LINC00305: variants seen among roughly 807,000 people sequenced by gnomAD.
The protein encoded by LINC00305 is long intergenic non-protein coding RNA 305.
chr18:64,139,364 G>A (rs1215724009), intron 1 of LINC00305: 1 of 152,192 alleles, frequency 6.6e-6, no homozygotes, highest in Non-Finnish European at 1.5e-5. Flanking sequence ...TGTAGGAAAC[G>A]GGTACTAGGT....
chr18:64,100,430 C>T (rs17785335), intron 1 of LINC00305, among the ~76,000 whole-genome samples: 36,903 of 151,984 alleles, frequency 0.24, 4,741 homozygotes, highest in Admixed American at 0.28. Context: ...GGTGCTGGGC[C>T]TTTCTTTTCC....
At chr18:64,086,707 C>T (rs1001671322) in intron 3 of LINC00305, among the ~76,000 whole-genome samples, 1 of 152,204 alleles carries the variant, frequency 6.6e-6, no homozygotes, top group Non-Finnish European at 1.5e-5. Flanking sequence ...GGAAGAGTCT[C>T]ATTCCAAACT....
intron 3 of LINC00305, among the ~76,000 whole-genome samples, chr18:64,096,032 TA>T (rs144843900): frequency 0.011 from 1,681 of 151,218 alleles, 30 homozygotes; most frequent in African/African-American, 0.038. Context: ...ATGGTCCTGA[TA>T]AAAAAAAATA....
chr18:64,089,963 C>A (rs2144894707), intron 3 of LINC00305, among the ~76,000 whole-genome samples: 1 of 152,258 alleles, frequency 6.6e-6, no homozygotes, highest in South Asian at 2.1e-4. Context: ...TGGGTGGGGA[C>A]ACAGCCAAAC....
chr18:64,131,776 C>G (rs1253226223), intron 1 of LINC00305, among the ~76,000 whole-genome samples: 1 of 152,126 alleles, frequency 6.6e-6, no homozygotes, highest in East Asian at 1.9e-4. Flanking sequence ...AGCAGGCAAA[C>G]CCGAGAACAA....
chr18:64,145,047 T>C (rs2051490520), intron 1 of LINC00305, among the ~76,000 whole-genome samples: 1 of 152,174 alleles, frequency 6.6e-6, no homozygotes, highest in Non-Finnish European at 1.5e-5. Context: ...GCATACTCCC[T>C]TCTGAGAATT....
intron 1 of LINC00305, among the ~76,000 whole-genome samples, chr18:64,113,798 G>A (rs74444681): frequency 0.064 from 9,730 of 152,224 alleles, 1,032 homozygotes; most frequent in African/African-American, 0.22. Context: ...ACCCAGTCAT[G>A]GATACGGAGA....
At chr18:64,147,528 C>T (rs1599236495) in intron 1 of LINC00305, among the ~76,000 whole-genome samples, 1 of 152,084 alleles carries the variant, frequency 6.6e-6, no homozygotes, top group East Asian at 1.9e-4. Flanking sequence ...TATACAAATA[C>T]TTAACTATAT....
At chr18:64,131,338 T>G (rs185438058) in intron 1 of LINC00305, among the ~76,000 whole-genome samples, 1 of 152,336 alleles carries the variant, frequency 6.6e-6, no homozygotes, top group East Asian at 1.9e-4. Flanking sequence ...GCTGCAAATT[T>G]GACTTGTACC....
At chr18:64,120,798 C>T (rs879789666) in intron 1 of LINC00305, among the ~76,000 whole-genome samples, 20 of 152,034 alleles carry the variant, frequency 1.3e-4, no homozygotes, top group African/African-American at 4.8e-4. Flanking sequence ...TGCCAGTTGC[C>T]AGTTAAACCA....
chr18:64,110,162 G>A (rs1221616503), intron 1 of LINC00305, among the ~76,000 whole-genome samples: 1 of 152,140 alleles, frequency 6.6e-6, no homozygotes, highest in Non-Finnish European at 1.5e-5. Context: ...TCGGTAGCTT[G>A]GATCCCTGAG....
intron 1 of LINC00305, among the ~76,000 whole-genome samples, chr18:64,141,052 TAAAAA>T (rs34175314): frequency 4.2e-5 from 4 of 96,330 alleles, no homozygotes; most frequent in Non-Finnish European, 3.9e-5. Flanking sequence ...GCCTGAATGA[TAAAAA>T]AAAAAAAAAA....
At chr18:64,088,554 A>T (rs907280110) in intron 3 of LINC00305, among the ~76,000 whole-genome samples, 23 of 152,162 alleles carry the variant, frequency 1.5e-4, no homozygotes, top group African/African-American at 4.3e-4. Context: ...TAGAGCCAGG[A>T]CTCATGTCCA....
At chr18:64,086,224 C>T (rs926999963) in intron 3 of LINC00305, among the ~76,000 whole-genome samples, 1 of 152,072 alleles carries the variant, frequency 6.6e-6, no homozygotes, top group East Asian at 1.9e-4. Flanking sequence ...TATAACTATT[C>T]CTTTCATAAG....
At position 64,110,531 on chromosome 18, in the gene LINC00305, G is replaced by A. The variant is rs548408636; in HGVS notation, n.315-11891C>T. Among the ~76,000 whole-genome samples, 3 of 152,176 alleles carry A rather than the reference G, an allele frequency of 2.0e-5. 1 individual carries two copies. In the South Asian group the frequency reaches 6.2e-4, roughly 31 times the overall value. On this transcript the variant is annotated intron_variant and non_coding_transcript_variant, in intron 1 of 3. Coordinates refer to ENST00000666468, the Ensembl canonical transcript of LINC00305. ...AAGGTAAATTGGAAAGACTTTGGGG[G>A]TATAAATGGGACATTTTTTGAAGAA...
At chr18:64,131,326 A>C (rs1473230665) in intron 1 of LINC00305, among the ~76,000 whole-genome samples, 3 of 152,184 alleles carry the variant, frequency 2.0e-5, no homozygotes, top group Non-Finnish European at 2.9e-5. Context: ...TCTATACACT[A>C]TGCTGCAAAT....
chr18:64,123,498 A>G lies in LINC00305; in HGVS notation n.315-24858T>C, dbSNP rs185209964. Among the ~76,000 whole-genome samples the G allele has an allele frequency of 3.3e-4, 51 of 152,254 alleles. No homozygotes were observed. The East Asian group carries it at 9.3e-3, about 28-fold the overall frequency. ...AAATGCCCAGTCTTTTTTTAAAAAAATCACACTGTACCCCTTTCTCTGCTA... is the reference window on the plus strand; with the variant it reads ...AAATGCCCAGTCTTTTTTTAAAAAAGTCACACTGTACCCCTTTCTCTGCTA... On this transcript the variant is annotated intron_variant and non_coding_transcript_variant, in intron 1 of 3. Transcript: ENST00000666468.
intron 1 of LINC00305, among the ~76,000 whole-genome samples, chr18:64,141,924 T>C (rs984732993): frequency 4.6e-5 from 7 of 152,348 alleles, no homozygotes; most frequent in Middle Eastern, 6.8e-3. Context: ...TTAAGGCTGA[T>C]TAATCTTACG....
chr18:64,142,335 G>A (rs2051467672), intron 1 of LINC00305, among the ~76,000 whole-genome samples: 1 of 152,186 alleles, frequency 6.6e-6, no homozygotes, highest in South Asian at 2.1e-4. Context: ...TAGATGCAGT[G>A]GAGTGGCTGG....
Sources: allele counts gnomAD v4.1 joint callset (sites outside exome capture counted in the v4.1 genomes callset), GRCh38; gene constraint gnomAD v4.1.1; transcripts MANE v1.5; gene names NCBI Gene and HGNC (gene_info 2026-07-23, HGNC 2026-07-21).